CAMSAP2: variants seen among roughly 807,000 people sequenced by gnomAD.
CAMSAP2 encodes the protein calmodulin-regulated spectrin-associated protein 2.
A neutral mutation model predicts 146.1 loss-of-function variants in CAMSAP2; 26 were observed. The ratio of observed to expected loss-of-function variants is 0.18; its 90% CI spans 0.13 to 0.25. The LOEUF is 0.25. Among genes scored for constraint, CAMSAP2 ranks in the 10% least tolerant of loss-of-function variants. The probability of loss-of-function intolerance (pLI) is 1.00; values close to 1 mark genes in which losing one functional copy is unlikely to be tolerated. For missense variants in CAMSAP2, 1,381 were observed against 1,759.3 expected (o/e 0.78, Z 3.85); for synonymous variants, 499 against 596.6 (o/e 0.84, Z 2.38).
intron 2 of CAMSAP2, among the ~76,000 whole-genome samples, chr1:200,774,454 A>G (rs1358635898): frequency 6.6e-6 from 1 of 152,174 alleles, no homozygotes; most frequent in Non-Finnish European, 1.5e-5. Flanking sequence ...TTCTTTTGCT[A>G]TACTTGGAGG....
chr1:200,824,626 T>C (rs1419261518), intron 4 of CAMSAP2, among the ~76,000 whole-genome samples: 6 of 152,142 alleles, frequency 3.9e-5, no homozygotes, highest in Non-Finnish European at 5.9e-5. Context: ...ACTTATTTGC[T>C]CAGTCCTACA....
intron 2 of CAMSAP2, among the ~76,000 whole-genome samples, chr1:200,781,945 T>C (rs1665446219): frequency 6.6e-6 from 1 of 152,194 alleles, no homozygotes; most frequent in Non-Finnish European, 1.5e-5. Context: ...ACCAGGCACA[T>C]GAAGAAATTT....
chr1:200,838,463 CTGT>C (rs534995115), intron 6 of CAMSAP2, among the ~76,000 whole-genome samples: 1 of 151,866 alleles, frequency 6.6e-6, no homozygotes, highest in African/African-American at 2.4e-5. Context: ...GTTTTACTGA[CTGT>C]TTTTTTTAGT....
At chr1:200,784,173 T>G (rs1020934954) in intron 2 of CAMSAP2, among the ~76,000 whole-genome samples, 2 of 152,218 alleles carry the variant, frequency 1.3e-5, no homozygotes, top group African/African-American at 4.8e-5. Context: ...CAGTCTTGAC[T>G]AATGTAGCTT....
chr1:200,786,213 C>T (rs1298119680), intron 2 of CAMSAP2, among the ~76,000 whole-genome samples: 2 of 151,784 alleles, frequency 1.3e-5, no homozygotes, highest in Admixed American at 1.3e-4. Context: ...GTTTTTTAAA[C>T]TAATTTTTGC....
At chr1:200,795,335 A>G (rs1160844991) in intron 2 of CAMSAP2, among the ~76,000 whole-genome samples, 1 of 152,178 alleles carries the variant, frequency 6.6e-6, no homozygotes, top group Non-Finnish European at 1.5e-5. Flanking sequence ...TCCTGATAGT[A>G]TGCTGTTCTT....
intron 2 of CAMSAP2, among the ~76,000 whole-genome samples, chr1:200,792,510 T>C (rs904176821): frequency 9.9e-5 from 15 of 151,940 alleles, no homozygotes; most frequent in African/African-American, 3.6e-4. Flanking sequence ...CTGGTTGTGG[T>C]GGAAGGCACC....
intron 2 of CAMSAP2, among the ~76,000 whole-genome samples, chr1:200,763,833 T>C (rs1664866374): frequency 6.6e-6 from 1 of 152,130 alleles, no homozygotes; most frequent in Non-Finnish European, 1.5e-5. Flanking sequence ...CCCAGCACTT[T>C]AGGAGGCCAA....
chr1:200,799,840 T>TTAGC (rs1271780799), intron 2 of CAMSAP2, among the ~76,000 whole-genome samples: 1 of 152,232 alleles, frequency 6.6e-6, no homozygotes, highest in Non-Finnish European at 1.5e-5. Context: ...AAACACTGCT[T>TTAGC]TAGCTGTGTT....
At chr1:200,751,740 T>G (rs1664513016) in intron 1 of CAMSAP2, among the ~76,000 whole-genome samples, 1 of 152,022 alleles carries the variant, frequency 6.6e-6, no homozygotes, top group Non-Finnish European at 1.5e-5. Flanking sequence ...CACAGAAGTG[T>G]TGCTGGAAGT....
intron 2 of CAMSAP2, among the ~76,000 whole-genome samples, chr1:200,805,105 A>G (rs183417324): frequency 6.6e-6 from 1 of 152,366 alleles, no homozygotes; most frequent in East Asian, 1.9e-4. Flanking sequence ...GAGTTAATAT[A>G]CTAATAAAGT....
In CAMSAP2 at chr1:200,848,295, T is replaced by C; in HGVS notation, c.1526T>C (p.Leu509Pro). The change falls in exon 11 of 17, where the codon CTA becomes CCA. Residue 509 changes from leucine to proline, a missense_variant. Leu to Pro is a moderately conservative substitution (Grantham distance 98). Transcript: ENST00000358823. The stretch of plus-strand genomic sequence containing the variant: ...TGTGTGCCCCTTAACACAAATGAAC[T>C]AAATTCTAATGAGAATATTCATTAC... Reference protein sequence around the residue: ...KSCVPLNTNELNSNENIHYKL... With the variant: ...KSCVPLNTNEPNSNENIHYKL... The C allele has an allele frequency of 6.2e-7, 1 of 1,613,418 alleles. No homozygotes were observed.
chr1:200,807,636 C>T, intron 3 of CAMSAP2, 99 bp downstream of exon 3: 1 of 807,264 alleles, frequency 1.2e-6, no homozygotes, highest in Non-Finnish European at 1.7e-6. Flanking sequence ...TGTTTCAAAT[C>T]AAAGTGCAAA....
At chr1:200,828,249 T>G (rs573944066) in intron 4 of CAMSAP2, among the ~76,000 whole-genome samples, 171 of 152,260 alleles carry the variant, frequency 1.1e-3, no homozygotes, top group African/African-American at 4.0e-3. Flanking sequence ...TTTTGTGATA[T>G]AGATTTATTT....
At chr1:200,784,571 A>C (rs747387028) in intron 2 of CAMSAP2, among the ~76,000 whole-genome samples, 2 of 152,232 alleles carry the variant, frequency 1.3e-5, no homozygotes, top group East Asian at 3.8e-4. Flanking sequence ...GCTAATATAT[A>C]GAAATACAAT....
chr1:200,803,069 C>T (rs1013849711), intron 2 of CAMSAP2, among the ~76,000 whole-genome samples: 1 of 152,170 alleles, frequency 6.6e-6, no homozygotes, highest in Non-Finnish European at 1.5e-5. Flanking sequence ...TCATGCTATG[C>T]TCTGCCACCT....
rs759185851 is a variant in CAMSAP2 at position 200,848,481 on chromosome 1, A to G, written c.1712A>G (p.His571Arg). 2 of 1,613,514 alleles carry G rather than the reference A, an allele frequency of 1.2e-6. No homozygotes were observed. The highest frequency in any genetic ancestry group is 1.1e-5 in the South Asian group (1 of 91,036). Residue 571 changes from histidine (H) to arginine (R), a missense_variant, in exon 11 of 17, where the codon CAT becomes CGT. His to Arg is a conservative substitution (Grantham distance 29). Transcript: ENST00000358823. ...CAAATTGCTAATGGCTTCTTTCTTC[A>G]TAGTCAAGAAATGAGTATCTTAAAT... ...PDQIANGFFL[H>R]SQEMSILNSN...
chr1:200,832,104 A>G lies in CAMSAP2; in HGVS notation c.646-96A>G, dbSNP rs982048897. ...TGAGTGGTCTCATTTCTCATGATTTATTTTATTACTGGTACATTAGAATTT... is the reference window on the plus strand; with the variant it reads ...TGAGTGGTCTCATTTCTCATGATTTGTTTTATTACTGGTACATTAGAATTT... On this transcript the variant is annotated intron_variant, in intron 4 of 16. Coordinates refer to ENST00000358823, the MANE Select transcript of CAMSAP2 (RefSeq NM_203459.4). This position sits in a 1 kb window ranked among gnomAD's most constrained non-coding sequence, Gnocchi z 4.2. 1.0e-6 allele frequency: 1 copy of G among 968,324 alleles called. No homozygotes were observed. Among genetic ancestry groups the G allele is most frequent in the African/African-American group, 1.7e-5 (1 of 60,040 alleles). The allele number at this position is 968,324 out of a possible 1,614,324, so 60.0% of individuals were successfully genotyped here.
intron 4 of CAMSAP2, among the ~76,000 whole-genome samples, chr1:200,816,897 TACACACACACGCGTGTGTATGTGTGTAC>T (rs1666551142): frequency 4.0e-5 from 2 of 50,524 alleles, no homozygotes; most frequent in African/African-American, 1.7e-4. Context: ...TGTATGTGTG[TACACACACACGCGTGTGTATGTGTGTAC>T]ACACACACGC....
Sources: allele counts gnomAD v4.1 joint callset (sites outside exome capture counted in the v4.1 genomes callset), GRCh38; gene constraint gnomAD v4.1.1; non-coding constraint Gnocchi (gnomAD v3.1); transcripts MANE v1.5; gene names NCBI Gene and HGNC (gene_info 2026-07-23, HGNC 2026-07-21).